The following SEC14L1 variants were observed in gnomAD, a reference collection of about 807,000 sequenced individuals.
SEC14L1 encodes the protein SEC14 like lipid binding 1.
SEC14L1 carries 48 observed loss-of-function variants against 85.3 expected under a neutral mutation model. The ratio of observed to expected loss-of-function variants is 0.56; its 90% confidence interval spans 0.45 to 0.72. The LOEUF (loss-of-function observed/expected upper bound fraction) is 0.72, where lower values mean the gene tolerates loss of function less well. SEC14L1 is among the 30% of genes least tolerant of loss of function. The pLI is 0.00. For synonymous variants in SEC14L1, 391 were observed against 355.5 expected, an observed-to-expected ratio of 1.10 and a Z score of -1.12; for missense variants, 682 against 921.4, an observed-to-expected ratio of 0.74 and a Z score of 3.36.
At chr17:77,196,071 A>C in intron 7 of SEC14L1, 131 bp from the exon 8 acceptor site, 1 of 654,894 alleles carries the variant, frequency 1.5e-6, no homozygotes, top group Non-Finnish European at 2.7e-6. Flanking sequence ...TCTGGTTTAC[A>C]TCTGCCATCT....
At chr17:77,095,748 C>CA (rs1971626240) in intron 3 of SEC14L1, among the ~76,000 whole-genome samples, 1 of 151,886 alleles carries the variant, frequency 6.6e-6, no homozygotes, top group Non-Finnish European at 1.5e-5. Flanking sequence ...ACCCAGGAGA[C>CA]AGAGGTTTCG....
At chr17:77,105,373 A>AACCCC (rs1555614076) in intron 3 of SEC14L1, among the ~76,000 whole-genome samples, 5 of 82,376 alleles carry the variant, frequency 6.1e-5, no homozygotes, top group Non-Finnish European at 7.1e-5. Flanking sequence ...CTCGCTGACC[A>AACCCC]CCCCCCCCCC....
intron 3 of SEC14L1, among the ~76,000 whole-genome samples, chr17:77,172,871 C>T (rs1467982691): frequency 6.6e-6 from 1 of 152,146 alleles, no homozygotes; most frequent in Non-Finnish European, 1.5e-5. Flanking sequence ...TTGCATATTC[C>T]TCCAGTAGGC....
At chr17:77,188,927 C>T (rs1332559779) in intron 3 of SEC14L1, among the ~76,000 whole-genome samples, 1 of 151,780 alleles carries the variant, frequency 6.6e-6, no homozygotes, top group African/African-American at 2.4e-5. Context: ...TGTGTGTCCT[C>T]TCAGGTGAGA....
In SEC14L1 at chr17:77,215,520, C is replaced by A. The variant is rs1010482386; in HGVS notation, c.*1497C>A. ...AGCTGTGTGGAGGCCATGTGTGCCCCGTGCAGGGATCAGGAGGGCGGGGGA... is the reference window on the plus strand; with the variant it reads ...AGCTGTGTGGAGGCCATGTGTGCCCAGTGCAGGGATCAGGAGGGCGGGGGA... On this transcript the variant is annotated 3_prime_UTR_variant, in exon 17 of 17. Coordinates refer to ENST00000436233, the MANE Select transcript of SEC14L1 (RefSeq NM_001143998.2). 1.0e-6 allele frequency: 1 copy of A among 986,154 alleles called. No homozygotes were observed. The allele number at this position is 986,154 out of a possible 1,614,324, so 61.1% of individuals were successfully genotyped here.
intron 3 of SEC14L1, among the ~76,000 whole-genome samples, chr17:77,118,256 C>G (rs1415668183): frequency 6.6e-6 from 1 of 152,236 alleles, no homozygotes; most frequent in Non-Finnish European, 1.5e-5. Flanking sequence ...TTCAAGGGTG[C>G]CCATGGCCAC....
chr17:77,183,654 A>C (rs1975141891), intron 3 of SEC14L1, among the ~76,000 whole-genome samples: 1 of 152,166 alleles, frequency 6.6e-6, no homozygotes. Flanking sequence ...AAAAATAAAA[A>C]AGTGTTATTC....
At chr17:77,143,906 T>G (rs1973162647) in intron 3 of SEC14L1, 1 of 352,226 alleles carries the variant, frequency 2.8e-6, no homozygotes, top group Non-Finnish European at 5.1e-6. Flanking sequence ...AATTCTCCCT[T>G]TGAACACACA....
chr17:77,200,243 C>T (rs1397384710), intron 8 of SEC14L1, among the ~76,000 whole-genome samples: 2 of 152,070 alleles, frequency 1.3e-5, no homozygotes, highest in Non-Finnish European at 2.9e-5. Flanking sequence ...GATCTCGGCT[C>T]GCTGCAGCCT....
intron 3 of SEC14L1, among the ~76,000 whole-genome samples, chr17:77,097,750 T>C (rs1416287077): frequency 6.6e-6 from 1 of 152,134 alleles, no homozygotes; most frequent in African/African-American, 2.4e-5. Context: ...CAAGTATTGC[T>C]GGATATGTTA....
At chr17:77,169,303 C>G (rs1202992673) in intron 3 of SEC14L1, among the ~76,000 whole-genome samples, 1 of 152,176 alleles carries the variant, frequency 6.6e-6, no homozygotes. Flanking sequence ...AAATCAGAAG[C>G]TGGAGGCCAG....
rs145581020 is a variant in SEC14L1, at chr17:77,174,095, T to G, written c.64-16708T>G. On this transcript the variant is annotated intron_variant, in intron 3 of 16. Coordinates refer to ENST00000436233, the MANE Select transcript of SEC14L1 (RefSeq NM_001143998.2). ...TTTTGTATTTTATTTATTTATTTAT[T>G]TCCTTGGTAGAGATGGGGTTGCACC... 1.7e-4 allele frequency among the ~76,000 whole-genome samples: 26 copies of G among 152,164 alleles called. 2 individuals are homozygous for G. In the East Asian group the frequency reaches 5.0e-3, roughly 29 times the overall value.
At chr17:77,141,351 C>T (rs1316093059) in intron 1 of SEC14L1, 3 of 141,170 alleles carry the variant, frequency 2.1e-5, no homozygotes, top group Non-Finnish European at 4.7e-5. Context: ...CGCCCCCACC[C>T]CCACCTCGCC....
At chr17:77,148,600 C>T (rs1325797908) in intron 3 of SEC14L1, among the ~76,000 whole-genome samples, 1 of 152,220 alleles carries the variant, frequency 6.6e-6, no homozygotes, top group African/African-American at 2.4e-5. Context: ...GTCCCTTCAG[C>T]AGACACACCC....
In SEC14L1 at chr17:77,191,162, CT is replaced by C. The variant is rs1369066949; in HGVS notation, c.214-16del. ...GGTTGTTATTAATAAACCCATTTCT[CT>C]TTCTTTTTTTTTTGAAGATTGCAGG... is the stretch of plus-strand genomic sequence containing the variant. On this transcript the variant is annotated intron_variant, in intron 4 of 16. Transcript: ENST00000436233. 6.2e-7 allele frequency: 1 copy of C among 1,605,552 alleles called. No homozygotes were observed. The highest frequency in any genetic ancestry group is 2.2e-5 in the East Asian group (1 of 44,838).
intron 15 of SEC14L1, among the ~76,000 whole-genome samples, chr17:77,212,498 C>T (rs35528126): frequency 0.26 from 39,486 of 152,082 alleles, 5,378 homozygotes; most frequent in African/African-American, 0.32. Context: ...TTTTCCCCCC[C>T]GCCTCATTTC....
intron 3 of SEC14L1, among the ~76,000 whole-genome samples, chr17:77,120,191 G>A (rs1972261960): frequency 6.6e-6 from 1 of 152,222 alleles, no homozygotes; most frequent in African/African-American, 2.4e-5. Flanking sequence ...GAGCAACATA[G>A]TGAGACATCC....
rs750093696 is a variant in SEC14L1, at chr17:77,191,260, A to G, written c.293A>G (p.Tyr98Cys). 1.2e-6 allele frequency: 2 copies of G among 1,614,156 alleles called. No individual in the cohort carries two copies. Among genetic ancestry groups the G allele is most frequent in the Non-Finnish European group, 1.7e-6 (2 of 1,179,974 alleles). Reference protein sequence around the residue: ...SRERTLHIEAYNETFSNRVII... With the variant: ...SRERTLHIEACNETFSNRVII... ...GAACGTACTTTGCACATTGAGGCTT[A>G]TAATGAAACGTTTTCCAATCGGGTC... is the stretch of plus-strand genomic sequence containing the variant. Residue 98 changes from tyrosine to cysteine, a missense_variant, in exon 5 of 17, where the codon TAT becomes TGT. Tyr to Cys is a radical substitution (Grantham distance 194). Around this residue, in one of 3 missense-constraint regions of SEC14L1, gnomAD observed 139 missense variants for 201.3 expected, o/e 0.69. Coordinates refer to ENST00000436233, the MANE Select transcript of SEC14L1 (RefSeq NM_001143998.2).
At chr17:77,098,138 CAT>C (rs1971691891) in intron 3 of SEC14L1, among the ~76,000 whole-genome samples, 1 of 152,190 alleles carries the variant, frequency 6.6e-6, no homozygotes, top group African/African-American at 2.4e-5. Flanking sequence ...CCGTAGCTTA[CAT>C]ATTCTATCTA....
Sources: gnomAD v4.1 joint callset for allele counts (sites outside exome capture counted in the v4.1 genomes callset) on GRCh38, gnomAD v4.1.1 for gene constraint, gnomAD v4.1.1 regional missense constraint, MANE v1.5 for transcripts, NCBI Gene and HGNC (gene_info 2026-07-23, HGNC 2026-07-21) for gene names.